Variants in SLCO2B1 observed in about 807,000 individuals in gnomAD.
SLCO2B1 encodes the protein solute carrier organic anion transporter family member 2B1.
SLCO2B1 carries 41 observed loss-of-function variants against 67.3 expected under a neutral mutation model. The ratio of observed to expected loss-of-function variants is 0.61; its 90% CI spans 0.47 to 0.79. The LOEUF is 0.79. Ranked by LOEUF, SLCO2B1 falls within the 30% of genes least tolerant of loss-of-function variation. The pLI is 0.00. For missense variants in SLCO2B1, 837 were observed against 920.1 expected (o/e 0.91, Z 1.17); for synonymous variants, 379 against 381.4 (o/e 0.99, Z 0.07).
chr11:75,158,467 T>C (rs1949772457), intron 1 of SLCO2B1, among the ~76,000 whole-genome samples: 1 of 152,172 alleles, frequency 6.6e-6, no homozygotes, highest in Non-Finnish European at 1.5e-5. Context: ...TCTGTGTCCT[T>C]GCATCTTCAA....
intron 7 of SLCO2B1, among the ~76,000 whole-genome samples, chr11:75,187,016 G>A (rs2140331143): frequency 6.6e-6 from 1 of 152,246 alleles, no homozygotes; most frequent in African/African-American, 2.4e-5. Context: ...TTTTCTCTCT[G>A]TGTCTCAGTT....
intron 1 of SLCO2B1, 111 bp from the exon 2 acceptor site, chr11:75,162,544 G>T: frequency 1.7e-6 from 2 of 1,171,982 alleles, no homozygotes; most frequent in Non-Finnish European, 2.4e-6. Flanking sequence ...CAACCACTAA[G>T]AACTCTTCTT....
intron 1 of SLCO2B1, among the ~76,000 whole-genome samples, chr11:75,159,557 T>A (rs1252963554): frequency 1.3e-5 from 2 of 151,940 alleles, no homozygotes; most frequent in Non-Finnish European, 2.9e-5. Context: ...CCAAGGGGAG[T>A]TCCGCCCTGA....
rs375441376 is a variant in SLCO2B1 at position 75,200,134 on chromosome 11, G to A, written c.1600-90G>A. 1.6e-3 allele frequency: 2,142 copies of A among 1,366,946 alleles called. 52 individuals are homozygous for A. In the South Asian group the frequency reaches 0.028, roughly 18 times the overall value. 84.7% of individuals were successfully genotyped at this position (1,366,946 alleles called of 1,614,324 possible). On this transcript the variant is annotated intron_variant, in intron 10 of 13. Transcript: ENST00000289575. ...TACCCCAACTGGCTGTGGAACTTGG[G>A]CCTCTCACAAGCCTTCCCCGCTGCA...
In SLCO2B1 at chr11:75,205,423, GACAA is replaced by G. The variant is rs1437389108; in HGVS notation, c.*847_*850del. On this transcript the variant is annotated 3_prime_UTR_variant, in exon 14 of 14. Transcript: ENST00000289575. The stretch of plus-strand genomic sequence containing the variant: ...CACACTTGGGTATTTTCTAATTTCA[GACAA>G]ACACACACTCAGCGCGCACTCACTG... 6.6e-6 allele frequency: 1 copy of G among 152,268 alleles called. No homozygotes were observed. The highest frequency in any genetic ancestry group is 1.5e-5 in the Non-Finnish European group (1 of 68,066). The allele number at this position is 152,268 out of a possible 1,614,324, so 9.4% of individuals were successfully genotyped here.
intron 7 of SLCO2B1, among the ~76,000 whole-genome samples, chr11:75,179,217 G>A (rs1950064139): frequency 1.0e-5 from 1 of 99,528 alleles, no homozygotes; most frequent in East Asian, 2.4e-4. Flanking sequence ...GGATACATGA[G>A]ATTTTTTTTT....
intron 8 of SLCO2B1, among the ~76,000 whole-genome samples, chr11:75,189,048 T>C (rs1944979495): frequency 6.6e-6 from 1 of 152,250 alleles, no homozygotes; most frequent in African/African-American, 2.4e-5. Flanking sequence ...CCCTGATCCC[T>C]GCTCCTTTCT....
intron 11 of SLCO2B1, 124 bp downstream of exon 11, chr11:75,200,511 A>C: frequency 2.1e-6 from 2 of 954,410 alleles, no homozygotes; most frequent in Non-Finnish European, 1.5e-6. Context: ...CCCCCACAAT[A>C]TGGCCTTAAC....
intron 6 of SLCO2B1, 152 bp downstream of exon 6, chr11:75,169,916 C>T: frequency 1.6e-6 from 1 of 623,316 alleles, no homozygotes; most frequent in South Asian, 1.9e-5. Context: ...GCTTTCTCAT[C>T]TGTGAGATAA....
chr11:75,172,476 C>T lies in SLCO2B1; in HGVS notation c.879C>T (p.Pro293=), dbSNP rs192799886. 11 of 1,614,208 alleles carry T rather than the reference C, an allele frequency of 6.8e-6. No homozygotes were observed. The highest frequency in any genetic ancestry group is 1.6e-4 in the Middle Eastern group (1 of 6,062). Residue 293 remains proline, a synonymous_variant, in exon 7 of 14, where the codon CCC becomes CCT. Coordinates refer to ENST00000289575, the MANE Select transcript of SLCO2B1 (RefSeq NM_007256.5). ...GTGCAGTGGCCCTGGCTGCCATCCC[C>T]TACTTCTTCTTCCCCAAGGAAATGC... ...AAGAVALAAI[P]YFFFPKEMPK...
rs1381894568 is a variant in SLCO2B1, at chr11:75,193,309, C to A, written c.1167C>A (p.Gly389=). The A allele has an allele frequency of 1.2e-6, 2 of 1,614,094 alleles. No individual in the cohort carries two copies. Among genetic ancestry groups the A allele is most frequent in the African/African-American group, 1.3e-5 (1 of 75,068 alleles). Residue 389 remains glycine, a synonymous_variant, in exon 9 of 14, where the codon GGC becomes GGA. Coordinates refer to ENST00000289575, the MANE Select transcript of SLCO2B1 (RefSeq NM_007256.5). This position sits in a 1 kb window ranked among gnomAD's most constrained non-coding sequence, Gnocchi z 4.2. ...TATGCTTGTCATCCATGGCTGCGGG[C>A]ATGGCCACCTTCCTGCCCAAGTTCC... ...SQVCLSSMAA[G]MATFLPKFLE...
Position 75,200,304 on chromosome 11 carries a change from G to C in SLCO2B1, c.1680G>C (p.Leu560=). The part of the protein sequence containing the change: ...AGSCDSTCSH[L]VVPFLLLVSL... ...CCTGCGACTCAACGTGCAGCCATCT[G>C]GTGGTGCCCTTCCTGCTCCTGGTCA... The change falls in exon 11 of 14, where the codon CTG becomes CTC. Residue 560 remains leucine (L), a synonymous_variant. Coordinates refer to ENST00000289575, the MANE Select transcript of SLCO2B1 (RefSeq NM_007256.5). 6.2e-7 allele frequency: 1 copy of C among 1,613,840 alleles called. No homozygotes were observed. Among genetic ancestry groups the C allele is most frequent in the Non-Finnish European group, 8.5e-7 (1 of 1,179,968 alleles).
intron 9 of SLCO2B1, 150 bp from the exon 10 acceptor site, chr11:75,196,364 C>T (rs560468858): frequency 2.0e-4 from 147 of 730,902 alleles, no homozygotes; most frequent in Non-Finnish European, 3.0e-4. Context: ...CTCACTATCA[C>T]GCCATCATCG....
chr11:75,194,565 C>G (rs2140339248), intron 9 of SLCO2B1, among the ~76,000 whole-genome samples: 1 of 152,160 alleles, frequency 6.6e-6, no homozygotes, highest in Non-Finnish European at 1.5e-5. Flanking sequence ...CCTCCTCCCC[C>G]TTTCATTCTC....
At chr11:75,181,372 CAAAAAA>C (rs11369857) in intron 7 of SLCO2B1, among the ~76,000 whole-genome samples, 54 of 128,660 alleles carry the variant, frequency 4.2e-4, no homozygotes, top group South Asian at 3.4e-3. Flanking sequence ...GACTCTGCCT[CAAAAAA>C]AAAAAAAAAA....
intron 6 of SLCO2B1, chr11:75,170,112 G>A (rs912563131): frequency 8.1e-5 from 22 of 270,214 alleles, no homozygotes; most frequent in Middle Eastern, 1.3e-3. Context: ...TGTGGGGCAG[G>A]TGGAAGAGCA....
In SLCO2B1 at chr11:75,169,330, C is replaced by T. The variant is rs371064308; in HGVS notation, c.606C>T (p.Gly202=). ...TGGCACAGACCCTGCTGGGCGTGGGCGGGGTGCCCATTCAGCCCTTTGGCA... is the reference window on the plus strand; with the variant it reads ...TGGCACAGACCCTGCTGGGCGTGGGTGGGGTGCCCATTCAGCCCTTTGGCA... ...MFVAQTLLGV[G]GVPIQPFGIS... The change falls in exon 5 of 14, where the codon GGC becomes GGT. Residue 202 remains glycine, a synonymous_variant. Transcript: ENST00000289575. 53 of 1,613,824 alleles carry T rather than the reference C, an allele frequency of 3.3e-5. 1 individual carries two copies. Among genetic ancestry groups the T allele is most frequent in the African/African-American group, 4.0e-5 (3 of 74,914 alleles).
In SLCO2B1 at chr11:75,204,738, C is replaced by T. The variant is rs1329979588; in HGVS notation, c.*158C>T. 3 of 584,942 alleles carry T rather than the reference C, an allele frequency of 5.1e-6. No homozygotes were observed. Among genetic ancestry groups the T allele is most frequent in the Non-Finnish European group, 8.3e-6 (3 of 361,230 alleles). 36.2% of individuals were successfully genotyped at this position (584,942 alleles called of 1,614,324 possible). On this transcript the variant is annotated 3_prime_UTR_variant, in exon 14 of 14. Transcript: ENST00000289575. ...GGCAAGACATTGATCCTCTCTCAGC[C>T]TTTGCTTGCTAGTCTGAACCAAAGA...
At chr11:75,161,604 G>A (rs1949821961) in intron 1 of SLCO2B1, among the ~76,000 whole-genome samples, 1 of 152,120 alleles carries the variant, frequency 6.6e-6, no homozygotes, top group Non-Finnish European at 1.5e-5. Flanking sequence ...GGAATCCTGA[G>A]GTCAATTTTC....
Sources: gnomAD v4.1 joint callset for allele counts (sites outside exome capture counted in the v4.1 genomes callset) on GRCh38, gnomAD v4.1.1 for gene constraint, Gnocchi (gnomAD v3.1) non-coding constraint, MANE v1.5 for transcripts, NCBI Gene and HGNC (gene_info 2026-07-23, HGNC 2026-07-21) for gene names.